The following DPP8 variants were observed in gnomAD, a reference collection of about 807,000 sequenced individuals.
DPP8 encodes DPP VIII.
Under a neutral mutation model 107.5 loss-of-function variants are expected in DPP8, and 31 were observed. That is an observed-to-expected ratio of 0.29 (90% confidence interval 0.22 to 0.39). The LOEUF is 0.39. DPP8 is among the 10% of genes least tolerant of loss of function. DPP8 has a pLI of 1.00. For synonymous variants in DPP8, 381 were observed against 356.6 expected, an observed-to-expected ratio of 1.07 and a Z score of -0.77; for missense variants, 842 against 1,076.1, an observed-to-expected ratio of 0.78 and a Z score of 3.04.
intron 2 of DPP8, chr15:65,512,019 A>G (rs1374662371): frequency 3.5e-6 from 2 of 574,106 alleles, no homozygotes; most frequent in Non-Finnish European, 6.5e-6. Context: ...GACCATCTAA[A>G]GAAAGGCATT....
In DPP8 at chr15:65,483,586, C is replaced by CAATAAAATAAAATAA. The variant is rs71139408; in HGVS notation, c.1017+1498_1017+1512dup. Reference sequence around the variant, plus strand: ...GGCAGGCTGGAGACTTTTCTTCAAACAATAAAATAAAATAAAATAAAATAA... The same window carrying CAATAAAATAAAATAA: ...GGCAGGCTGGAGACTTTTCTTCAAACAATAAAATAAAATAAAATAAAATAAAATAAAATAAAATAA... On this transcript the variant is annotated intron_variant, in intron 8 of 19. Coordinates refer to ENST00000300141, the MANE Select transcript of DPP8 (RefSeq NM_130434.5). Among the ~76,000 whole-genome samples, 939 of 140,770 alleles carry CAATAAAATAAAATAA rather than the reference C, an allele frequency of 6.7e-3. 7 individuals carry two copies. Among genetic ancestry groups the CAATAAAATAAAATAA allele is most frequent in the African/African-American group, 0.021 (803 of 37,614 alleles). The allele number at this position is 140,770 out of a possible 152,430, so 92.4% of individuals were successfully genotyped here.
At chr15:65,451,196 T>G (rs1379024672) in intron 18 of DPP8, 86 bp from the exon 19 acceptor site, 1 of 785,934 alleles carries the variant, frequency 1.3e-6, no homozygotes, top group Non-Finnish European at 2.2e-6. Flanking sequence ...TACTTAACCA[T>G]ATTAACTTCC....
At position 65,454,332 on chromosome 15, in the gene DPP8, G is replaced by A. The variant is rs749957063; in HGVS notation, c.2202C>T (p.Gly734=). 2.5e-6 allele frequency: 4 copies of A among 1,604,348 alleles called. No homozygotes were observed. The highest frequency in any genetic ancestry group is 3.4e-6 in the Non-Finnish European group (4 of 1,176,654). The change falls in exon 17 of 20, where the codon GGC becomes GGT. Residue 734 remains glycine (G), a synonymous_variant. Coordinates refer to ENST00000300141, the MANE Select transcript of DPP8 (RefSeq NM_130434.5). ...ATCCTCCATAGGACCAGCCGTGGAT[G>A]CCCACACGATCTAAGTCAATGAAAT... The part of the protein sequence containing the change: ...RYDFIDLDRV[G]IHGWSYGGYL...
intron 15 of DPP8, among the ~76,000 whole-genome samples, chr15:65,456,823 G>A (rs2064464792): frequency 6.6e-6 from 1 of 152,006 alleles, no homozygotes; most frequent in Non-Finnish European, 1.5e-5. Context: ...GAGATCTTTG[G>A]CTACCTCTGA....
intron 10 of DPP8, among the ~76,000 whole-genome samples, chr15:65,479,787 T>C (rs891241109): frequency 7.4e-6 from 1 of 134,694 alleles, no homozygotes; most frequent in Non-Finnish European, 1.5e-5. Context: ...GAGCTTGCAG[T>C]GAGCCGAGAT....
chr15:65,487,990 ATTG>A (rs1460907226), intron 6 of DPP8, among the ~76,000 whole-genome samples, 172 bp from the exon 7 acceptor site: 5 of 152,186 alleles, frequency 3.3e-5, no homozygotes, highest in Admixed American at 2.6e-4. Context: ...AAGGTGAGTT[ATTG>A]TTAAGCCACT....
intron 15 of DPP8, chr15:65,459,352 T>G (rs2064721169): frequency 6.6e-6 from 1 of 151,892 alleles, no homozygotes; most frequent in Admixed American, 6.6e-5. Context: ...AATTTTTTTA[T>G]TTTTTGTAGA....
chr15:65,469,271 A>T, intron 12 of DPP8, among the ~76,000 whole-genome samples: 1 of 151,292 alleles, frequency 6.6e-6, no homozygotes, highest in East Asian at 2.0e-4. Flanking sequence ...CACTGCGCCC[A>T]GCCAAGAATG....
intron 4 of DPP8, among the ~76,000 whole-genome samples, chr15:65,499,839 T>A (rs1455529990): frequency 1.3e-5 from 2 of 152,208 alleles, no homozygotes; most frequent in African/African-American, 4.8e-5. Context: ...GTGCTGGAAT[T>A]ATGGGTGTGA....
Position 65,512,331 on chromosome 15 carries a change from G to C in DPP8, c.223C>G (p.Pro75Ala). ...ATTCTGTCTGAATGAGGTCCATCTG[G>C]ATCATTCCTCTTCACAAACATGAAA... ...HDFMFVKRND[P>A]DGPHSDRIYY... Residue 75 changes from proline to alanine, a missense_variant, in exon 2 of 20, where the codon CCA becomes GCA. Pro to Ala is a conservative substitution (Grantham distance 27). Transcript: ENST00000300141. 6.2e-7 allele frequency: 1 copy of C among 1,613,650 alleles called. No homozygotes were observed. The highest frequency in any genetic ancestry group is 8.5e-7 in the Non-Finnish European group (1 of 1,179,956).
At chr15:65,477,327 G>A (rs961998414) in intron 11 of DPP8, among the ~76,000 whole-genome samples, 3 of 151,892 alleles carry the variant, frequency 2.0e-5, no homozygotes, top group South Asian at 2.1e-4. Context: ...CCCGGGAGGC[G>A]GAGGTTGCAG....
intron 3 of DPP8, among the ~76,000 whole-genome samples, chr15:65,506,147 C>T (rs925647573): frequency 3.3e-5 from 5 of 151,538 alleles, no homozygotes; most frequent in African/African-American, 1.2e-4. Context: ...CTAGCTAACA[C>T]GGTGAAACTG....
chr15:65,461,671 T>G (rs1026401225), intron 15 of DPP8, among the ~76,000 whole-genome samples: 2 of 152,050 alleles, frequency 1.3e-5, no homozygotes, highest in Non-Finnish European at 2.9e-5. Flanking sequence ...GGTACGATCT[T>G]GGCTCACTGC....
chr15:65,475,752 G>A, intron 11 of DPP8: 1 of 467,714 alleles, frequency 2.1e-6, no homozygotes, highest in Non-Finnish European at 3.9e-6. Context: ...TGCCCCATTT[G>A]TTTTGTTTTT....
Position 65,456,106 on chromosome 15 carries a change from A to ACT in DPP8, c.2118+118_2118+119insAG, listed in dbSNP as rs968167414. 4.5e-6 allele frequency: 5 copies of ACT among 1,111,772 alleles called. No individual in the cohort carries two copies. In the African/African-American group the frequency reaches 1.4e-4, roughly 31 times the overall value. The allele number at this position is 1,111,772 out of a possible 1,614,324, so 68.9% of individuals were successfully genotyped here. On this transcript the variant is annotated intron_variant, in intron 16 of 19. Transcript: ENST00000300141. ...CTCCCACCCCCAAACTCTAACACATACACTCTCACTCACTCATTCATAGCC... is the reference window on the plus strand; with the variant it reads ...CTCCCACCCCCAAACTCTAACACATACTCACTCTCACTCACTCATTCATAGCC...
At chr15:65,472,119 G>A (rs1395049742) in intron 12 of DPP8, among the ~76,000 whole-genome samples, 1 of 152,060 alleles carries the variant, frequency 6.6e-6, no homozygotes, top group African/African-American at 2.4e-5. Flanking sequence ...TTGGTACTGA[G>A]AATAAAACAC....
At position 65,478,883 on chromosome 15, in the gene DPP8, G is replaced by T; in HGVS notation, c.1453C>A (p.Pro485Thr). The stretch of plus-strand genomic sequence containing the variant: ...TAAAATAAAATGGATTTCTTACTTG[G>T]AGCAGGCAGCCCACCACTGGATCGT... The part of the protein sequence containing the change: ...YKRSSGGLPA[P>T]SDFKCPIKEE... The change falls in exon 11 of 20, where the codon CCA (proline) becomes ACA (threonine). Residue 485 changes from proline (P) to threonine (T), a missense_variant. This residue lies in a region of DPP8 where 663 missense variants were observed against 758.0 expected (regional missense o/e 0.87). Transcript: ENST00000300141. 6.4e-7 allele frequency: 1 copy of T among 1,555,306 alleles called. No homozygotes were observed. The highest frequency in any genetic ancestry group is 2.4e-5 in the East Asian group (1 of 40,864).
chr15:65,474,061 C>T (rs8043478), intron 12 of DPP8, 148 bp downstream of exon 12: 108,183 of 610,804 alleles, frequency 0.18, 10,632 homozygotes, highest in African/African-American at 0.3. Flanking sequence ...CCGAGATCAC[C>T]CCATTGCACT....
In DPP8 at chr15:65,515,942, T is replaced by C. The variant is rs533514134; in HGVS notation, c.-12+1544A>G. The C allele has an allele frequency of 2.5e-4, 118 of 479,742 alleles. 1 individual carries two copies. In the South Asian group the frequency reaches 5.4e-3, roughly 22 times the overall value. 29.7% of individuals were successfully genotyped at this position (479,742 alleles called of 1,614,324 possible). ...TATAATGCCTACATTATTTTGTATC[T>C]GCGTTTTATGTTATCAGAATTCAAG... On this transcript the variant is annotated intron_variant, in intron 1 of 19. Coordinates refer to ENST00000300141, the MANE Select transcript of DPP8 (RefSeq NM_130434.5).
Sources: gnomAD v4.1 joint callset for allele counts (sites outside exome capture counted in the v4.1 genomes callset) on GRCh38, gnomAD v4.1.1 for gene constraint, gnomAD v4.1.1 regional missense constraint, MANE v1.5 for transcripts, NCBI Gene and HGNC (gene_info 2026-07-23, HGNC 2026-07-21) for gene names.